PDS5B: variants seen among roughly 807,000 people sequenced by gnomAD.
The protein encoded by PDS5B is PDS5 cohesin associated factor B.
Under a neutral mutation model 184.1 loss-of-function variants are expected in PDS5B, and 51 were observed. The observed-to-expected ratio is 0.28, with a 90% CI of 0.22 to 0.35. PDS5B has a LOEUF of 0.35. Ranked by LOEUF, PDS5B falls within the 10% of genes least tolerant of loss-of-function variation. PDS5B has a pLI of 1.00. For synonymous variants in PDS5B, 566 were observed against 569.2 expected (o/e 0.99, Z 0.08); for missense variants, 1,180 against 1,723.3 (o/e 0.68, Z 5.58).
At chr13:32,636,813 G>A (rs116863109) in intron 1 of PDS5B, among the ~76,000 whole-genome samples, 85 of 152,326 alleles carry the variant, frequency 5.6e-4, no homozygotes, top group Non-Finnish European at 9.6e-4. Flanking sequence ...ATTCTTTGAA[G>A]CAAAAGTGCA....
In PDS5B at chr13:32,648,743, T is replaced by C. The variant is rs1389880276; in HGVS notation, c.-19-11T>C. 2 of 1,007,424 alleles carry C rather than the reference T, an allele frequency of 2.0e-6. No homozygotes were observed. The highest frequency in any genetic ancestry group is 3.6e-5 in the Admixed American group (2 of 55,348). 62.4% of individuals were successfully genotyped at this position (1,007,424 alleles called of 1,614,324 possible). On this transcript the variant is annotated splice_polypyrimidine_tract_variant and intron_variant, in intron 1 of 34. Coordinates refer to ENST00000315596, the MANE Select transcript of PDS5B (RefSeq NM_015032.4). Reference sequence around the variant, plus strand: ...TTTTTTGGTTTGCATCTAATAGTTTTCTTGTTTCAGGGGTAGAAATATTTC... The same window carrying C: ...TTTTTTGGTTTGCATCTAATAGTTTCCTTGTTTCAGGGGTAGAAATATTTC...
At chr13:32,744,637 T>C (rs901417166) in intron 23 of PDS5B, among the ~76,000 whole-genome samples, 1 of 152,186 alleles carries the variant, frequency 6.6e-6, no homozygotes, top group Non-Finnish European at 1.5e-5. Flanking sequence ...GCATCTGTTA[T>C]CCATATCTGT....
At chr13:32,716,898 T>C (rs1207714) in intron 19 of PDS5B, among the ~76,000 whole-genome samples, 84,196 of 84,330 alleles carry the variant, frequency 1, 42,038 homozygotes, top group Middle Eastern at 1. Flanking sequence ...AGGGGTGCCT[T>C]TGCCTGGCCG....
chr13:32,738,446 A>C (rs570981789), intron 21 of PDS5B, among the ~76,000 whole-genome samples: 6 of 152,112 alleles, frequency 3.9e-5, no homozygotes, highest in Non-Finnish European at 5.9e-5. Flanking sequence ...TTACTAATTA[A>C]GTTTGTGTGT....
chr13:32,679,070 C>G, intron 10 of PDS5B, 141 bp downstream of exon 10: 2 of 470,744 alleles, frequency 4.2e-6, no homozygotes. Context: ...AAGTTGTTCT[C>G]TGAAGCTAGA....
intron 24 of PDS5B, among the ~76,000 whole-genome samples, chr13:32,752,489 C>G (rs1189696307): frequency 6.6e-6 from 1 of 152,082 alleles, no homozygotes; most frequent in Non-Finnish European, 1.5e-5. Flanking sequence ...AAACATAATT[C>G]TTTTCTTCAA....
At chr13:32,772,220 A>G (rs936640308) in intron 33 of PDS5B, among the ~76,000 whole-genome samples, 1 of 152,186 alleles carries the variant, frequency 6.6e-6, no homozygotes, top group African/African-American at 2.4e-5. Flanking sequence ...TGCTTATAGA[A>G]GTGATGTTAT....
At chr13:32,596,805 T>C (rs879325463) in intron 1 of PDS5B, among the ~76,000 whole-genome samples, 1 of 152,136 alleles carries the variant, frequency 6.6e-6, no homozygotes, top group Non-Finnish European at 1.5e-5. Context: ...GGATGCCTCT[T>C]CAAGCTTTCT....
chr13:32,688,793 A>G (rs1262759411), intron 13 of PDS5B: 3 of 452,304 alleles, frequency 6.6e-6, no homozygotes, highest in African/African-American at 3.9e-5. Flanking sequence ...TTGACATGAA[A>G]TCTTTTAGGA....
intron 17 of PDS5B, among the ~76,000 whole-genome samples, chr13:32,705,520 G>A (rs148398483): frequency 2.4e-3 from 362 of 152,094 alleles, no homozygotes; most frequent in Non-Finnish European, 4.3e-3. Context: ...TAATATTTTC[G>A]TAGAAGCATA....
chr13:32,648,652 G>C lies in PDS5B; in HGVS notation c.-19-102G>C. 5.0e-6 allele frequency: 3 copies of C among 597,060 alleles called. 1 individual carries two copies. The South Asian group carries it at 6.3e-5, about 13-fold the overall frequency. The allele number at this position is 597,060 out of a possible 1,614,324, so 37.0% of individuals were successfully genotyped here. Reference sequence around the variant, plus strand: ...TAAAGTAAATTACTATAAATTAGGAGGTAGTTACAAATTTTGGTTGGTGGG... The same window carrying C: ...TAAAGTAAATTACTATAAATTAGGACGTAGTTACAAATTTTGGTTGGTGGG... On this transcript the variant is annotated intron_variant, in intron 1 of 34. Transcript: ENST00000315596.
intron 1 of PDS5B, among the ~76,000 whole-genome samples, chr13:32,622,999 G>T (rs1233086799): frequency 6.6e-6 from 1 of 152,188 alleles, no homozygotes; most frequent in Admixed American, 6.5e-5. Context: ...GGTTTTTAAG[G>T]GTGGTTTGGC....
At chr13:32,627,879 A>C (rs1228599304) in intron 1 of PDS5B, among the ~76,000 whole-genome samples, 1 of 152,138 alleles carries the variant, frequency 6.6e-6, no homozygotes, top group Non-Finnish European at 1.5e-5. Flanking sequence ...AAGGGAGAGA[A>C]AGAGAAGTTA....
intron 1 of PDS5B, among the ~76,000 whole-genome samples, chr13:32,623,305 TCAG>T (rs2058326921): frequency 6.6e-6 from 1 of 152,176 alleles, no homozygotes; most frequent in Non-Finnish European, 1.5e-5. Flanking sequence ...TGATTCCTGA[TCAG>T]CAAGTAATTA....
intron 21 of PDS5B, among the ~76,000 whole-genome samples, chr13:32,738,672 T>TC (rs1953427438): frequency 6.6e-6 from 1 of 152,144 alleles, no homozygotes; most frequent in Non-Finnish European, 1.5e-5. Context: ...CAAAAGTTAT[T>TC]CCTTTTTTTT....
chr13:32,770,917 TATCTC>T, intron 33 of PDS5B, 156 bp downstream of exon 33: 1 of 625,846 alleles, frequency 1.6e-6, no homozygotes, highest in Non-Finnish European at 2.9e-6. Context: ...TAGTGATTGA[TATCTC>T]AATAAACTAT....
chr13:32,755,442 C>T (rs766722068), intron 25 of PDS5B, among the ~76,000 whole-genome samples: 2 of 152,056 alleles, frequency 1.3e-5, no homozygotes, highest in Non-Finnish European at 2.9e-5. Flanking sequence ...TTTTGCTCAG[C>T]AGCTTACAAG....
intron 1 of PDS5B, among the ~76,000 whole-genome samples, chr13:32,599,543 C>T (rs370515846): frequency 4.0e-5 from 6 of 151,466 alleles, no homozygotes; most frequent in South Asian, 4.3e-4. Context: ...GGATTACAGG[C>T]GTGGGATTAC....
rs537445322 is a variant in PDS5B, at chr13:32,732,136, A to G, written c.2159A>G (p.Lys720Arg). ...CCTGTTTTACATCACAAATCTAAAA[A>G]AGGACCCCCCCGTCAAGCCAAATAT... ...LLPVLHHKSKKGPPRQAKYAI... is the reference protein window; with the variant it reads ...LLPVLHHKSKRGPPRQAKYAI... Residue 720 changes from lysine to arginine, a missense_variant, in exon 20 of 35, where the codon AAA (lysine) becomes AGA (arginine). By Grantham distance (26) the Lys-to-Arg change is conservative. Coordinates refer to ENST00000315596, the MANE Select transcript of PDS5B (RefSeq NM_015032.4). 3.7e-6 allele frequency: 6 copies of G among 1,610,568 alleles called. No individual in the cohort carries two copies. The Admixed American group carries it at 1.0e-4, about 27-fold the overall frequency.
Sources: allele counts gnomAD v4.1 joint callset (sites outside exome capture counted in the v4.1 genomes callset), GRCh38; gene constraint gnomAD v4.1.1; transcripts MANE v1.5; gene names NCBI Gene and HGNC (gene_info 2026-07-23, HGNC 2026-07-21).